Variants in PSMD12 observed in about 807,000 individuals in gnomAD.
The protein encoded by PSMD12 is 26S proteasome non-ATPase regulatory subunit 12.
A neutral mutation model predicts 62.9 loss-of-function variants in PSMD12; 8 were observed. The observed-to-expected ratio is 0.13, with a 90% CI of 0.07 to 0.23. The LOEUF (loss-of-function observed/expected upper bound fraction) is 0.23, where lower values mean the gene tolerates loss of function less well. PSMD12 is among the 10% of genes least tolerant of loss of function. PSMD12 has a pLI of 1.00. For synonymous variants in PSMD12, 173 were observed against 187.4 expected, an observed-to-expected ratio of 0.92 and a Z score of 0.63; for missense variants, 424 against 550.2, an observed-to-expected ratio of 0.77 and a Z score of 2.29.
At chr17:67,341,158 G>T in intron 10 of PSMD12, 106 bp from the exon 11 acceptor site, 1 of 868,394 alleles carries the variant, frequency 1.2e-6, no homozygotes, top group African/African-American at 1.8e-5. Context: ...ATATGCAGGG[G>T]AATTCATTCT....
At chr17:67,341,158 G>A (rs1166049869) in intron 10 of PSMD12, 106 bp from the exon 11 acceptor site, 12 of 868,280 alleles carry the variant, frequency 1.4e-5, no homozygotes, top group Admixed American at 6.6e-5. Context: ...ATATGCAGGG[G>A]AATTCATTCT....
At chr17:67,359,121 T>G (rs1052194160) in intron 1 of PSMD12, among the ~76,000 whole-genome samples, 1 of 152,110 alleles carries the variant, frequency 6.6e-6, no homozygotes, top group Non-Finnish European at 1.5e-5. Context: ...TTTGGGAGGC[T>G]GAGGTGGGAG....
intron 3 of PSMD12, among the ~76,000 whole-genome samples, chr17:67,355,072 C>T (rs80143310): frequency 0.029 from 4,420 of 150,184 alleles, 81 homozygotes; most frequent in Non-Finnish European, 0.039. Context: ...TTCTTCACAT[C>T]GGCTTGCATA....
In PSMD12 at chr17:67,340,822, T is replaced by C; in HGVS notation, c.*21A>G. On this transcript the variant is annotated 3_prime_UTR_variant, in exon 11 of 11. Transcript: ENST00000356126. ...TTTTAATGACTTCCAATTTTAACTTTTTTCTAAAGCACTAAGACCCTTATT... is the reference window on the plus strand; with the variant it reads ...TTTTAATGACTTCCAATTTTAACTTCTTTCTAAAGCACTAAGACCCTTATT... The C allele has an allele frequency of 3.9e-6, 6 of 1,519,546 alleles. No individual in the cohort carries two copies. The highest frequency in any genetic ancestry group is 4.4e-6 in the Non-Finnish European group (5 of 1,136,596). 94.1% of individuals were successfully genotyped at this position (1,519,546 alleles called of 1,614,324 possible).
chr17:67,361,558 G>A (rs1267242615), intron 1 of PSMD12, among the ~76,000 whole-genome samples: 1 of 151,912 alleles, frequency 6.6e-6, no homozygotes, highest in Non-Finnish European at 1.5e-5. Context: ...CTCCAGCCTG[G>A]GTGAAAGAGC....
At chr17:67,349,604 C>T (rs866162107) in intron 4 of PSMD12, among the ~76,000 whole-genome samples, 5 of 152,142 alleles carry the variant, frequency 3.3e-5, no homozygotes, top group Non-Finnish European at 7.4e-5. Context: ...ATATGTAGTC[C>T]AATGTCTTCA....
intron 10 of PSMD12, 139 bp downstream of exon 10, chr17:67,342,047 A>C: frequency 1.5e-6 from 1 of 654,358 alleles, no homozygotes; most frequent in Non-Finnish European, 2.6e-6. Flanking sequence ...AGTTTTTGGT[A>C]CTCAAGATTG....
At chr17:67,341,409 G>A (rs2041913635) in intron 10 of PSMD12, among the ~76,000 whole-genome samples, 1 of 131,266 alleles carries the variant, frequency 7.6e-6, no homozygotes. Context: ...GGTAGAGGTT[G>A]AAGTGAGCTG....
intron 3 of PSMD12, among the ~76,000 whole-genome samples, chr17:67,354,259 A>C (rs563446772): frequency 6.6e-6 from 1 of 152,248 alleles, no homozygotes; most frequent in South Asian, 2.1e-4. Flanking sequence ...AAAAGTACAA[A>C]AATTAACTGG....
chr17:67,359,384 T>G (rs181580209), intron 1 of PSMD12, among the ~76,000 whole-genome samples: 7 of 152,302 alleles, frequency 4.6e-5, no homozygotes, highest in African/African-American at 1.7e-4. Flanking sequence ...ATGCATTTAT[T>G]TAACATGCTA....
chr17:67,348,505 G>T, intron 5 of PSMD12, 45 bp downstream of exon 5: 1 of 1,468,462 alleles, frequency 6.8e-7, no homozygotes, highest in Non-Finnish European at 9.5e-7. Context: ...AGAAAATGCT[G>T]CTGACAAAAC....
chr17:67,348,809 GA>G (rs1377267580), intron 4 of PSMD12, among the ~76,000 whole-genome samples, 155 bp from the exon 5 acceptor site: 1 of 152,036 alleles, frequency 6.6e-6, no homozygotes, highest in East Asian at 1.9e-4. Context: ...ACCAGCCTGG[GA>G]AACATGTTGA....
Position 67,366,533 on chromosome 17 carries a change from G to A in PSMD12, c.-14C>T. ...GCCGTCCGCCATGGTCCCCGCCTGA[G>A]CGTCCCTTGCTGTCCCCCTGCTTCG... On this transcript the variant is annotated 5_prime_UTR_variant, in exon 1 of 11. Coordinates refer to ENST00000356126, the MANE Select transcript of PSMD12 (RefSeq NM_002816.5). 6.3e-7 allele frequency: 1 copy of A among 1,593,676 alleles called. No individual in the cohort carries two copies. Among genetic ancestry groups the A allele is most frequent in the Non-Finnish European group, 8.5e-7 (1 of 1,171,698 alleles).
rs1262432026 is a variant in PSMD12, at chr17:67,347,264, G to A, written c.661-14C>T. On this transcript the variant is annotated splice_polypyrimidine_tract_variant and intron_variant, in intron 6 of 10. Transcript: ENST00000356126. ...CAACTTTAATTTCTGCAAAAAAGTT[G>A]ACAAAACAAATTGGGGTTTATGGGT... 1 of 1,612,814 alleles carries A rather than the reference G, an allele frequency of 6.2e-7. No homozygotes were observed. The highest frequency in any genetic ancestry group is 1.7e-5 in the Admixed American group (1 of 59,838).
At chr17:67,363,681 T>C (rs1042063764) in intron 1 of PSMD12, among the ~76,000 whole-genome samples, 1 of 152,216 alleles carries the variant, frequency 6.6e-6, no homozygotes, top group African/African-American at 2.4e-5. Context: ...AACTGTTCCA[T>C]ACATTCCAAT....
chr17:67,341,164 A>G, intron 10 of PSMD12, 112 bp from the exon 11 acceptor site: 1 of 835,336 alleles, frequency 1.2e-6, no homozygotes, highest in East Asian at 3.0e-5. Context: ...AGGGGAATTC[A>G]TTCTTAAGAG....
At chr17:67,360,610 C>A (rs542042545) in intron 1 of PSMD12, among the ~76,000 whole-genome samples, 13 of 152,348 alleles carry the variant, frequency 8.5e-5, no homozygotes, top group Admixed American at 3.3e-4. Flanking sequence ...ACACCAAGCA[C>A]ATGCCACTGC....
In PSMD12 at chr17:67,366,294, G is replaced by A. The variant is rs2042178300; in HGVS notation, c.108+118C>T. On this transcript the variant is annotated intron_variant, in intron 1 of 10. Transcript: ENST00000356126. ...CTCCCACTCGTGCAGGCCCAACTAG[G>A]GCTGGACAGGCATTGGGGGGTGCAC... The A allele has an allele frequency of 5.1e-6, 5 of 989,270 alleles. No homozygotes were observed. The Admixed American group carries it at 1.2e-4, about 23-fold the overall frequency. 61.3% of individuals were successfully genotyped at this position (989,270 alleles called of 1,614,324 possible). A position where few individuals can be genotyped will look rare whatever the true frequency, so the allele number is the denominator to read the frequency against.
Position 67,357,300 on chromosome 17 carries a change from C to T in PSMD12, c.297+3G>A, listed in dbSNP as rs1197946464. 1.9e-6 allele frequency: 3 copies of T among 1,610,114 alleles called. No individual in the cohort carries two copies. In the African/African-American group the frequency reaches 4.0e-5, roughly 22 times the overall value. ...TTTGGAGCAGACATGATCATGAACT[C>T]ACTTGTTTTAACTGACTCCGCCTTT... On this transcript the variant is annotated splice_donor_region_variant and intron_variant, in intron 3 of 10. Transcript: ENST00000356126.
Sources: allele counts gnomAD v4.1 joint callset (sites outside exome capture counted in the v4.1 genomes callset), GRCh38; gene constraint gnomAD v4.1.1; transcripts MANE v1.5; gene names NCBI Gene and HGNC (gene_info 2026-07-23, HGNC 2026-07-21).